Variants in CIAO3 observed in about 807,000 individuals in gnomAD.
CIAO3 encodes the protein cytosolic iron-sulfur assembly component 3.
A neutral mutation model predicts 51.5 loss-of-function variants in CIAO3; 45 were observed. That is an observed-to-expected ratio of 0.87 (90% CI 0.69 to 1.12). The LOEUF (loss-of-function observed/expected upper bound fraction) is 1.12. Among genes scored for constraint, CIAO3 ranks in the 50% most tolerant of loss-of-function variants. The pLI is 0.00. For synonymous variants in CIAO3, 314 were observed against 269.3 expected, an observed-to-expected ratio of 1.17 and a Z score of -1.63; for missense variants, 668 against 632.5, an observed-to-expected ratio of 1.06 and a Z score of -0.60.
At position 740,415 on chromosome 16, in the gene CIAO3, C is replaced by T. The variant is rs868411216; in HGVS notation, c.66+505G>A. On this transcript the variant is annotated intron_variant, in intron 1 of 10. Coordinates refer to ENST00000251588, the MANE Select transcript of CIAO3 (RefSeq NM_022493.3). ...GCGTCTAGCGGGCCGCCCCTACTGC[C>T]CTCAAATGAGGTGGGGTCCCCACCG... The T allele has an allele frequency of 1.5e-4, 47 of 315,070 alleles. 1 individual carries two copies. Among genetic ancestry groups the T allele is most frequent in the South Asian group, 4.6e-4 (17 of 36,832 alleles). 19.5% of individuals were successfully genotyped at this position (315,070 alleles called of 1,614,324 possible). A position where few individuals can be genotyped will look rare whatever the true frequency, so the allele number is the denominator to read the frequency against.
chr16:729,839 C>T lies in CIAO3; in HGVS notation c.*578G>A, dbSNP rs2041249957. On this transcript the variant is annotated 3_prime_UTR_variant, in exon 11 of 11. Transcript: ENST00000251588. ...GTGGGGACCTGGCTGGGGGATGATG[C>T]AGCCCGCGATGGCTGCTGCTTCGTA... 4.6e-6 allele frequency: 3 copies of T among 655,386 alleles called. No individual in the cohort carries two copies. The highest frequency in any genetic ancestry group is 6.8e-6 in the Non-Finnish European group (3 of 444,106). 40.6% of individuals were successfully genotyped at this position (655,386 alleles called of 1,614,324 possible).
chr16:730,501 C>A lies in CIAO3; in HGVS notation c.1347G>T (p.Thr449=). The change falls in exon 11 of 11, where the codon ACG becomes ACT. Residue 449 remains threonine, a synonymous_variant. Coordinates refer to ENST00000251588, the MANE Select transcript of CIAO3 (RefSeq NM_022493.3). ...QELYTHWLQG[T]DSECAGRLLH... is the part of the protein sequence containing the mutation. ...GCAAGCGACCTGCACACTCCGAGTCCGTGCCCTGCAGCCAGTGTGTGTACA... is the reference window on the plus strand; with the variant it reads ...GCAAGCGACCTGCACACTCCGAGTCAGTGCCCTGCAGCCAGTGTGTGTACA... The A allele has an allele frequency of 6.2e-7, 1 of 1,610,140 alleles. No individual in the cohort carries two copies. Among genetic ancestry groups the A allele is most frequent in the South Asian group, 1.1e-5 (1 of 91,088 alleles).
intron 7 of CIAO3, 86 bp downstream of exon 7, chr16:733,212 G>A: frequency 6.5e-7 from 1 of 1,536,516 alleles, no homozygotes; most frequent in Non-Finnish European, 8.8e-7. Flanking sequence ...CCACAGGCAG[G>A]ATCCTGGGCA....
At chr16:736,858 T>G (rs2041344306) in intron 3 of CIAO3, 1 of 358,854 alleles carries the variant, frequency 2.8e-6, no homozygotes, top group Admixed American at 4.1e-5. Flanking sequence ...GAGACGGGGT[T>G]TCACCATGTT....
At chr16:734,386 A>T in intron 5 of CIAO3, 39 bp from the exon 6 acceptor site, 1 of 1,451,750 alleles carries the variant, frequency 6.9e-7, no homozygotes. Flanking sequence ...GCGGGGGCGC[A>T]CGGCGGCCCC....
rs1369402506 is a variant in CIAO3, at chr16:730,875, TA to T, written c.1159del (p.Tyr387ThrfsTer14). On this transcript the variant is annotated frameshift_variant, in exon 10 of 11. Coordinates refer to ENST00000251588, the MANE Select transcript of CIAO3 (RefSeq NM_022493.3). LOFTEE classifies it low-confidence loss of function (END_TRUNC). ...GCAGGCCATGACCTCCACGTAGTGG[TA>T]GGGGCAGCGCCCTCGTTTGAGCCTC... ...VQRLKRGRCP[Y>X]HYVEVMACPS... The T allele has an allele frequency of 1.4e-5, 23 of 1,612,732 alleles. No homozygotes were observed. Among genetic ancestry groups the T allele is most frequent in the Non-Finnish European group, 1.9e-5 (22 of 1,179,992 alleles).
chr16:739,760 A>G (rs772229778), intron 1 of CIAO3, 22 bp from the exon 2 acceptor site: 4 of 1,610,522 alleles, frequency 2.5e-6, no homozygotes, highest in Admixed American at 1.7e-5. Flanking sequence ...AGAGACCCCA[A>G]ATCAGCCCCT....
intron 6 of CIAO3, 192 bp downstream of exon 6, chr16:734,037 T>G (rs1033069932): frequency 1.7e-6 from 1 of 587,810 alleles, no homozygotes; most frequent in Non-Finnish European, 3.1e-6. Flanking sequence ...TGAGCACCTC[T>G]GGATCAGAAC....
At position 730,399 on chromosome 16, in the gene CIAO3, G is replaced by C; in HGVS notation, c.*18C>G. 6.3e-7 allele frequency: 1 copy of C among 1,595,536 alleles called. No individual in the cohort carries two copies. The highest frequency in any genetic ancestry group is 8.5e-7 in the Non-Finnish European group (1 of 1,176,174). ...CACACATGGACACGGCCTCCTGGGA[G>C]TCCTGGTCCTGCAGCCCCTACCACC... On this transcript the variant is annotated 3_prime_UTR_variant, in exon 11 of 11. Coordinates refer to ENST00000251588, the MANE Select transcript of CIAO3 (RefSeq NM_022493.3).
chr16:740,847 G>A lies in CIAO3; in HGVS notation c.66+73C>T, dbSNP rs865962146. On this transcript the variant is annotated intron_variant, in intron 1 of 10. Coordinates refer to ENST00000251588, the MANE Select transcript of CIAO3 (RefSeq NM_022493.3). The stretch of plus-strand genomic sequence containing the variant: ...CTCATTCCTCAGGGGAGGAAGTGGG[G>A]CGCAGAGCAATTTCCCTCCGCGCGA... The A allele has an allele frequency of 5.2e-5, 73 of 1,398,360 alleles. No individual in the cohort carries two copies. The Middle Eastern group carries it at 5.9e-3, about 112-fold the overall frequency. 86.6% of individuals were successfully genotyped at this position (1,398,360 alleles called of 1,614,324 possible). A position where few individuals can be genotyped will look rare whatever the true frequency, so the allele number is the denominator to read the frequency against.
chr16:736,174 C>A, intron 4 of CIAO3, 92 bp downstream of exon 4: 1 of 1,496,958 alleles, frequency 6.7e-7, no homozygotes, highest in South Asian at 1.2e-5. Flanking sequence ...GGCTGGGTAG[C>A]GTGTCAGTGA....
chr16:732,654 T>C (rs1229048741), intron 7 of CIAO3: 1 of 474,610 alleles, frequency 2.1e-6, no homozygotes, highest in Non-Finnish European at 4.0e-6. Flanking sequence ...CTTTTTTTTT[T>C]GAGACGGAGT....
chr16:738,931 AC>A (rs1567346699), intron 2 of CIAO3, among the ~76,000 whole-genome samples: 1 of 144,646 alleles, frequency 6.9e-6, no homozygotes. Context: ...AGCGTGAGCC[AC>A]CGCGCCCAGC....
rs772838721 is a variant in CIAO3, at chr16:739,666, C to T, written c.139G>A (p.Gly47Arg). The T allele has an allele frequency of 2.5e-6, 4 of 1,614,134 alleles. No individual in the cohort carries two copies. In the Admixed American group the frequency reaches 5.0e-5, roughly 20 times the overall value. Reference sequence around the variant, plus strand: ...ACTTGGTTAATTTGGAAGTAGCTCCCGTCATCTTCAATGCGAATCTTGGCC... The same window carrying T: ...ACTTGGTTAATTTGGAAGTAGCTCCTGTCATCTTCAATGCGAATCTTGGCC... The part of the protein sequence containing the change: ...GVAKIRIEDD[G>R]SYFQINQDGG... Residue 47 changes from glycine to arginine, a missense_variant, in exon 2 of 11, where the codon GGG becomes AGG. By Grantham distance (125) the Gly-to-Arg change is moderately radical (BLOSUM62 -2). Transcript: ENST00000251588.
At chr16:740,101 G>A in intron 1 of CIAO3, 1 of 1,320,968 alleles carries the variant, frequency 7.6e-7, no homozygotes, top group Non-Finnish European at 9.9e-7. Context: ...CGTGTGCTTG[G>A]ATCTGTTTGG....
In CIAO3 at chr16:731,628, A is replaced by C; in HGVS notation, c.971T>G (p.Phe324Cys). 4 of 1,561,648 alleles carry C rather than the reference A, an allele frequency of 2.6e-6. No individual in the cohort carries two copies. Among genetic ancestry groups the C allele is most frequent in the Non-Finnish European group, 3.5e-6 (4 of 1,153,360 alleles). ...GGSGGYLEHV[F>C]RHAARELFGI... is the part of the protein sequence containing the mutation. Reference sequence around the variant, plus strand: ...AAAGAGCTCTCGGGCCGCGTGCCGGAACACGTGCTCCAGGTAGCCCCCCGA... The same window carrying C: ...AAAGAGCTCTCGGGCCGCGTGCCGGCACACGTGCTCCAGGTAGCCCCCCGA... Residue 324 changes from phenylalanine (F) to cysteine (C), a missense_variant, in exon 9 of 11, where the codon TTC (phenylalanine) becomes TGC (cysteine). Transcript: ENST00000251588.
chr16:732,032 C>T (rs1029342873), intron 8 of CIAO3: 2 of 530,518 alleles, frequency 3.8e-6, no homozygotes, highest in African/African-American at 3.8e-5. Context: ...GGATTACCAC[C>T]ATGTCTGGCT....
chr16:737,436 C>T lies in CIAO3; in HGVS notation c.163-107G>A. ...AACCGACAACCAACATGGCTGCTGG[C>T]TGGGCTTGTGTGCCGCTGAATTTTT... On this transcript the variant is annotated intron_variant, in intron 2 of 10. Coordinates refer to ENST00000251588, the MANE Select transcript of CIAO3 (RefSeq NM_022493.3). The surrounding 1 kb of genome is among the most constrained non-coding windows in gnomAD (Gnocchi z 5.3). 3 of 1,582,022 alleles carry T rather than the reference C, an allele frequency of 1.9e-6. No individual in the cohort carries two copies. The highest frequency in any genetic ancestry group is 2.6e-6 in the Non-Finnish European group (3 of 1,163,012).
chr16:739,982 C>G (rs1439162145), intron 1 of CIAO3: 1 of 1,488,158 alleles, frequency 6.7e-7, no homozygotes, highest in African/African-American at 1.4e-5. Flanking sequence ...CTAACAGCGC[C>G]TGCAAACTAC....
Sources: gnomAD v4.1 joint callset for allele counts (sites outside exome capture counted in the v4.1 genomes callset) on GRCh38, gnomAD v4.1.1 for gene constraint, Gnocchi (gnomAD v3.1) non-coding constraint, MANE v1.5 for transcripts, NCBI Gene and HGNC (gene_info 2026-07-23, HGNC 2026-07-21) for gene names.